The following SF3B1 variants were observed in gnomAD, a reference collection of about 807,000 sequenced individuals.
The protein encoded by SF3B1 is pre-mRNA processing 10.
Under a neutral mutation model 153.8 loss-of-function variants are expected in SF3B1, and 12 were observed. That is an observed-to-expected ratio of 0.08 (90% CI 0.05 to 0.13). The LOEUF is 0.13. Among genes scored for constraint, SF3B1 ranks in the 10% least tolerant of loss-of-function variants. SF3B1 has a pLI of 1.00. For missense variants in SF3B1, 513 were observed against 1,606.1 expected (o/e 0.32, Z 11.63); for synonymous variants, 498 against 525.2 (o/e 0.95, Z 0.71).
intron 1 of SF3B1, among the ~76,000 whole-genome samples, chr2:197,426,757 A>C (rs2085343184): frequency 6.6e-6 from 1 of 152,106 alleles, no homozygotes; most frequent in Admixed American, 6.5e-5. Flanking sequence ...CACCCTAGGA[A>C]ACTATTTTAC....
At chr2:197,408,205 T>A in intron 8 of SF3B1, 86 bp from the exon 9 acceptor site, 1 of 1,338,932 alleles carries the variant, frequency 7.5e-7, no homozygotes, top group South Asian at 1.3e-5. Flanking sequence ...TTAAGATCAA[T>A]CCTATTATTT....
intron 24 of SF3B1, among the ~76,000 whole-genome samples, chr2:197,392,711 T>C (rs1310859775): frequency 6.6e-6 from 1 of 151,910 alleles, no homozygotes; most frequent in Non-Finnish European, 1.5e-5. Context: ...CTTAATTCAA[T>C]ACACTACTTT....
intron 1 of SF3B1, among the ~76,000 whole-genome samples, chr2:197,433,579 C>T (rs941939648): frequency 2.0e-5 from 3 of 152,164 alleles, no homozygotes; most frequent in East Asian, 1.9e-4. Flanking sequence ...GCATTTAAAT[C>T]CTAAATACCT....
intron 23 of SF3B1, among the ~76,000 whole-genome samples, chr2:197,393,601 T>C (rs1211613514): frequency 6.6e-6 from 1 of 151,924 alleles, no homozygotes; most frequent in Non-Finnish European, 1.5e-5. Context: ...TACAGGTGTG[T>C]GCCACCACGC....
intron 1 of SF3B1, among the ~76,000 whole-genome samples, chr2:197,431,240 C>T (rs2085430677): frequency 6.6e-6 from 1 of 151,760 alleles, no homozygotes; most frequent in Non-Finnish European, 1.5e-5. Flanking sequence ...GCAACAGCCT[C>T]CCGAGGAGCT....
At chr2:197,434,941 GAA>G in intron 1 of SF3B1, 29 bp downstream of exon 1, 1 of 1,609,486 alleles carries the variant, frequency 6.2e-7, no homozygotes, top group East Asian at 2.2e-5. Flanking sequence ...TAGCAACGAA[GAA>G]AACACGTAAG....
rs1158515667 is a variant in SF3B1, at chr2:197,402,550, A to G, written c.2077+6T>C. On this transcript the variant is annotated splice_donor_region_variant and intron_variant, in intron 14 of 24. Coordinates refer to ENST00000335508, the MANE Select transcript of SF3B1 (RefSeq NM_012433.4). The surrounding 1 kb of genome is among the most constrained non-coding windows in gnomAD (Gnocchi z 4.6). ...AAAAAAAAGACAAAGTTACATTACA[A>G]CTTACCATGTTCAATGATTTCAACT... 8.7e-6 allele frequency: 14 copies of G among 1,611,664 alleles called. No individual in the cohort carries two copies. The highest frequency in any genetic ancestry group is 1.3e-5 in the African/African-American group (1 of 74,932).
At chr2:197,409,165 C>T (rs1245764938) in intron 7 of SF3B1, among the ~76,000 whole-genome samples, 2 of 151,944 alleles carry the variant, frequency 1.3e-5, no homozygotes, top group Admixed American at 1.3e-4. Flanking sequence ...TTCAGAAGGC[C>T]GAGGGGGGCA....
intron 12 of SF3B1, 75 bp from the exon 13 acceptor site, chr2:197,403,110 A>C: frequency 9.6e-7 from 1 of 1,044,924 alleles, no homozygotes; most frequent in East Asian, 2.5e-5. Flanking sequence ...AGAATTAAAC[A>C]TACATAAGAA....
intron 12 of SF3B1, 135 bp downstream of exon 12, chr2:197,403,450 A>G (rs1224095943): frequency 1.8e-6 from 1 of 541,014 alleles, no homozygotes; most frequent in East Asian, 3.3e-5. Context: ...GTACATCTGT[A>G]TAAAACTGTA....
intron 6 of SF3B1, among the ~76,000 whole-genome samples, chr2:197,410,501 A>T (rs1369220982): frequency 4.6e-5 from 5 of 107,940 alleles, no homozygotes; most frequent in East Asian, 2.6e-4. Flanking sequence ...CACCTATGTA[A>T]TTTTTTTTTT....
chr2:197,427,994 G>A (rs1479556444), intron 1 of SF3B1, among the ~76,000 whole-genome samples: 3 of 151,912 alleles, frequency 2.0e-5, no homozygotes, highest in Non-Finnish European at 2.9e-5. Context: ...CTCCAACCTA[G>A]GCGACAGAGC....
intron 21 of SF3B1, 24 bp from the exon 22 acceptor site, chr2:197,398,140 A>T: frequency 6.4e-7 from 1 of 1,561,144 alleles, no homozygotes; most frequent in Non-Finnish European, 8.8e-7. Context: ...TACACATATT[A>T]ATTATTGTGA....
At chr2:197,420,798 T>C (rs6736424) in intron 3 of SF3B1, among the ~76,000 whole-genome samples, 1,700 of 152,308 alleles carry the variant, frequency 0.011, 31 homozygotes, top group African/African-American at 0.038. Context: ...GTGTATAATC[T>C]CAACTACTTG....
In SF3B1 at chr2:197,418,149, T is replaced by C. The variant is rs572651757; in HGVS notation, c.495+360A>G. ...TACTCGGGAGGCTGAAGTGGGAGGA[T>C]AACTTGAACCTGGGAAGCAGAGATT... On this transcript the variant is annotated intron_variant, in intron 5 of 24. Transcript: ENST00000335508. Among the ~76,000 whole-genome samples the C allele has an allele frequency of 4.2e-5, 6 of 142,272 alleles. No homozygotes were observed. In the South Asian group the frequency reaches 1.3e-3, roughly 31 times the overall value. 93.3% of individuals were successfully genotyped at this position (142,272 alleles called of 152,430 possible).
intron 6 of SF3B1, among the ~76,000 whole-genome samples, chr2:197,412,970 C>CAAAAA (rs779446735): frequency 2.2e-5 from 1 of 45,514 alleles, no homozygotes; most frequent in Non-Finnish European, 4.9e-5. Context: ...ACTGTTGTCT[C>CAAAAA]AAAAAAAAAA....
chr2:197,413,144 T>C (rs1381047421), intron 6 of SF3B1, among the ~76,000 whole-genome samples: 1 of 152,180 alleles, frequency 6.6e-6, no homozygotes, highest in Admixed American at 6.5e-5. Context: ...CTCATAACTG[T>C]AATCCCACCA....
chr2:197,394,556 A>T (rs2084853592), intron 23 of SF3B1, among the ~76,000 whole-genome samples: 1 of 152,224 alleles, frequency 6.6e-6, no homozygotes, highest in African/African-American at 2.4e-5. Flanking sequence ...TTCCACAATT[A>T]TTCAACCAAG....
At chr2:197,429,851 T>C (rs1374463158) in intron 1 of SF3B1, among the ~76,000 whole-genome samples, 2 of 152,098 alleles carry the variant, frequency 1.3e-5, no homozygotes, top group Non-Finnish European at 2.9e-5. Flanking sequence ...ATTTCAGAAC[T>C]ATGCTCATAC....
Sources: allele counts gnomAD v4.1 joint callset (sites outside exome capture counted in the v4.1 genomes callset), GRCh38; gene constraint gnomAD v4.1.1; non-coding constraint Gnocchi (gnomAD v3.1); transcripts MANE v1.5; gene names NCBI Gene and HGNC (gene_info 2026-07-23, HGNC 2026-07-21).